CSMD3: variants seen among roughly 807,000 people sequenced by gnomAD.
CSMD3 encodes the protein CUB and Sushi multiple domains 3.
Under a neutral mutation model 435.2 loss-of-function variants are expected in CSMD3, and 177 were observed. That is an observed-to-expected ratio of 0.41 (90% CI 0.36 to 0.46). The LOEUF (loss-of-function observed/expected upper bound fraction) is 0.46. Among genes scored for constraint, CSMD3 ranks in the 20% least tolerant of loss-of-function variants. The probability of loss-of-function intolerance (pLI) is 0.34; values close to 1 mark genes in which losing one functional copy is unlikely to be tolerated. For missense variants in CSMD3, 4,265 were observed against 4,504.6 expected (o/e 0.95, Z 1.52); for synonymous variants, 1,656 against 1,520.5 (o/e 1.09, Z -2.07).
chr8:112,254,375 T>C, intron 62 of CSMD3, 49 bp from the exon 63 acceptor site: 6 of 1,227,496 alleles, frequency 4.9e-6, no homozygotes, highest in Non-Finnish European at 7.2e-6. Context: ...TTACAATAGA[T>C]ATAGTTCTCT....
intron 5 of CSMD3, among the ~76,000 whole-genome samples, chr8:113,074,179 AC>A (rs2089247054): frequency 6.6e-6 from 1 of 151,776 alleles, no homozygotes; most frequent in Non-Finnish European, 1.5e-5. Context: ...ACACACACAC[AC>A]ACACACACAC....
chr8:113,302,300 A>ATAATATATATAATAT (rs1554603162), intron 2 of CSMD3, among the ~76,000 whole-genome samples: 2 of 135,794 alleles, frequency 1.5e-5, no homozygotes, highest in Non-Finnish European at 3.1e-5. Context: ...ATATAATATA[A>ATAATATATATAATAT]TATATATATT....
At chr8:112,952,502 G>T (rs2083857494) in intron 8 of CSMD3, among the ~76,000 whole-genome samples, 1 of 151,438 alleles carries the variant, frequency 6.6e-6, no homozygotes, top group Non-Finnish European at 1.5e-5. Flanking sequence ...ATGTGTATTT[G>T]AAATAGATAT....
intron 32 of CSMD3, among the ~76,000 whole-genome samples, chr8:112,457,292 G>C (rs938754621): frequency 2.0e-5 from 3 of 152,054 alleles, no homozygotes; most frequent in Admixed American, 6.6e-5. Flanking sequence ...CTAGATAGAA[G>C]TTTCCCTGCA....
chr8:112,703,946 C>G (rs2076444367), intron 13 of CSMD3, among the ~76,000 whole-genome samples: 2 of 152,044 alleles, frequency 1.3e-5, no homozygotes, highest in Admixed American at 1.3e-4. Context: ...GATGTAAACA[C>G]TGACATTTAA....
intron 19 of CSMD3, among the ~76,000 whole-genome samples, chr8:112,649,148 G>A (rs951190638): frequency 6.6e-6 from 1 of 152,200 alleles, no homozygotes; most frequent in African/African-American, 2.4e-5. Flanking sequence ...GTGTAAGATG[G>A]AGAAGTTCTT....
intron 27 of CSMD3, among the ~76,000 whole-genome samples, chr8:112,531,162 C>T (rs2131072750): frequency 6.6e-6 from 1 of 152,222 alleles, no homozygotes; most frequent in Non-Finnish European, 1.5e-5. Context: ...GCCTTGGAAA[C>T]TAGTACAGTG....
At chr8:112,346,670 T>A (rs936507301) in intron 40 of CSMD3, among the ~76,000 whole-genome samples, 1 of 36,786 alleles carries the variant, frequency 2.7e-5, no homozygotes, top group Non-Finnish European at 5.3e-5. Context: ...CTCCTTTTCC[T>A]TTTTTTTTTT....
At chr8:113,209,748 T>C (rs1287787478) in intron 3 of CSMD3, among the ~76,000 whole-genome samples, 1 of 152,142 alleles carries the variant, frequency 6.6e-6, no homozygotes, top group Non-Finnish European at 1.5e-5. Context: ...TATTCAGTTA[T>C]TTAAAAAATT....
chr8:112,714,236 A>G (rs1433535703), intron 13 of CSMD3, among the ~76,000 whole-genome samples: 1 of 152,032 alleles, frequency 6.6e-6, no homozygotes, highest in African/African-American at 2.4e-5. Context: ...AAATTTACCA[A>G]GCAAATGAAC....
chr8:113,316,597 T>A (rs2093911925), intron 1 of CSMD3, among the ~76,000 whole-genome samples: 2 of 151,666 alleles, frequency 1.3e-5, no homozygotes, highest in Non-Finnish European at 2.9e-5. Flanking sequence ...TTGCCCAGGC[T>A]ATAGTGTAGT....
At chr8:112,725,181 C>T (rs2076937614) in intron 13 of CSMD3, among the ~76,000 whole-genome samples, 1 of 151,958 alleles carries the variant, frequency 6.6e-6, no homozygotes, top group East Asian at 1.9e-4. Flanking sequence ...AGAAATAAAT[C>T]CATGCTTTTA....
At chr8:112,472,414 A>G (rs1447107080) in intron 32 of CSMD3, among the ~76,000 whole-genome samples, 177 bp downstream of exon 32, 1 of 152,286 alleles carries the variant, frequency 6.6e-6, no homozygotes, top group East Asian at 1.9e-4. Context: ...CTGTAAATTC[A>G]GATTGAGTAA....
intron 45 of CSMD3, among the ~76,000 whole-genome samples, chr8:112,325,505 T>C (rs991885731): frequency 3.3e-5 from 5 of 152,114 alleles, no homozygotes; most frequent in African/African-American, 1.2e-4. Context: ...AGAATGTAAA[T>C]TCCATGAAAG....
At chr8:113,112,124 C>G (rs1032864842) in intron 4 of CSMD3, among the ~76,000 whole-genome samples, 2 of 151,788 alleles carry the variant, frequency 1.3e-5, no homozygotes, top group Non-Finnish European at 2.9e-5. Context: ...AGTATATAAT[C>G]TTTTGGGGTT....
chr8:112,520,871 T>C (rs1370836874), intron 27 of CSMD3, among the ~76,000 whole-genome samples: 1 of 151,886 alleles, frequency 6.6e-6, no homozygotes, highest in Non-Finnish European at 1.5e-5. Flanking sequence ...TTTGAGAGGG[T>C]AAAGCAATAG....
intron 19 of CSMD3, among the ~76,000 whole-genome samples, chr8:112,646,758 T>C (rs191612784): frequency 1.4e-3 from 220 of 152,288 alleles, no homozygotes; most frequent in African/African-American, 5.1e-3. Flanking sequence ...ATAATTATCA[T>C]TGGATGAAGA....
At position 113,426,239 on chromosome 8, in the gene CSMD3, A is replaced by G. The variant is rs184078438; in HGVS notation, c.178+10438T>C. On this transcript the variant is annotated intron_variant, in intron 1 of 70. Coordinates refer to ENST00000297405, the MANE Select transcript of CSMD3 (RefSeq NM_198123.2). ...TGAGATTAAAATTATACTTCTGATA[A>G]TGGATTCAGAGAAGCCATTTCTGCA... Among the ~76,000 whole-genome samples, 738 of 151,602 alleles carry G rather than the reference A, an allele frequency of 4.9e-3. 3 individuals are homozygous for G. Among genetic ancestry groups the G allele is most frequent in the African/African-American group, 0.016 (660 of 41,542 alleles).
chr8:113,243,906 T>C (rs118123935), intron 3 of CSMD3, among the ~76,000 whole-genome samples: 4,465 of 152,296 alleles, frequency 0.029, 89 homozygotes, highest in Admixed American at 0.04. Context: ...AATATCTTTT[T>C]TGTAGAATGG....
Sources: gnomAD v4.1 joint callset for allele counts (sites outside exome capture counted in the v4.1 genomes callset) on GRCh38, gnomAD v4.1.1 for gene constraint, MANE v1.5 for transcripts, NCBI Gene and HGNC (gene_info 2026-07-23, HGNC 2026-07-21) for gene names.